The following PALLD variants were observed in gnomAD, a reference collection of about 807,000 sequenced individuals.
PALLD encodes the protein palladin.
PALLD carries 61 observed loss-of-function variants against 123.5 expected under a neutral mutation model. The ratio of observed to expected loss-of-function variants is 0.49; its 90% CI spans 0.40 to 0.61. The LOEUF (loss-of-function observed/expected upper bound fraction) is 0.61, where lower values mean the gene tolerates loss of function less well. PALLD is among the 20% of genes least tolerant of loss of function. PALLD has a pLI of 0.00. For synonymous variants in PALLD, 465 were observed against 496.4 expected, an observed-to-expected ratio of 0.94 and a Z score of 0.84; for missense variants, 1,273 against 1,377.0, an observed-to-expected ratio of 0.92 and a Z score of 1.20.
chr4:168,858,426 T>C (rs762506135), intron 10 of PALLD, among the ~76,000 whole-genome samples: 8 of 152,224 alleles, frequency 5.3e-5, no homozygotes, highest in Non-Finnish European at 1.2e-4. Flanking sequence ...TAATTTGGCA[T>C]GTTTCTCTGA....
At chr4:168,788,075 C>G (rs1736996493) in intron 10 of PALLD, among the ~76,000 whole-genome samples, 1 of 152,202 alleles carries the variant, frequency 6.6e-6, no homozygotes, top group Non-Finnish European at 1.5e-5. Flanking sequence ...TGCTGTGTAG[C>G]ATGCGATTCC....
intron 1 of PALLD, among the ~76,000 whole-genome samples, chr4:168,510,965 G>A (rs1762475764): frequency 6.6e-6 from 1 of 152,092 alleles, no homozygotes; most frequent in Admixed American, 6.5e-5. Context: ...GCACATAACT[G>A]GAGACAATAA....
At chr4:168,633,751 C>T (rs1776063288) in intron 2 of PALLD, among the ~76,000 whole-genome samples, 1 of 152,044 alleles carries the variant, frequency 6.6e-6, no homozygotes, top group Non-Finnish European at 1.5e-5. Context: ...TTTAAAACTC[C>T]CACTTAAGCA....
At chr4:168,518,358 T>G (rs1360036760) in intron 2 of PALLD, among the ~76,000 whole-genome samples, 1 of 152,188 alleles carries the variant, frequency 6.6e-6, no homozygotes, top group African/African-American at 2.4e-5. Context: ...AGTAATTCTT[T>G]TTCATGAAAT....
intron 2 of PALLD, among the ~76,000 whole-genome samples, chr4:168,541,689 G>A (rs1020682019): frequency 3.9e-5 from 6 of 152,100 alleles, no homozygotes; most frequent in Non-Finnish European, 8.8e-5. Flanking sequence ...CTGACCTCCA[G>A]TGATCCGCCC....
At chr4:168,634,398 C>T (rs541871598) in intron 2 of PALLD, among the ~76,000 whole-genome samples, 1 of 152,296 alleles carries the variant, frequency 6.6e-6, no homozygotes, top group East Asian at 1.9e-4. Flanking sequence ...GTGCCTCTGC[C>T]AGCTGCCTGT....
At chr4:168,499,382 T>A (rs1401068643) in intron 1 of PALLD, among the ~76,000 whole-genome samples, 1 of 140,018 alleles carries the variant, frequency 7.1e-6, no homozygotes, top group Non-Finnish European at 1.6e-5. Context: ...GGAGGGACTT[T>A]ATTGATTTAG....
At chr4:168,868,349 AAAG>A (rs1441827339) in intron 10 of PALLD, among the ~76,000 whole-genome samples, 1 of 152,182 alleles carries the variant, frequency 6.6e-6, no homozygotes, top group Non-Finnish European at 1.5e-5. Flanking sequence ...TTACCAGATG[AAAG>A]AAGAATGGTA....
intron 10 of PALLD, among the ~76,000 whole-genome samples, chr4:168,733,953 T>C (rs886520194): frequency 6.6e-6 from 1 of 152,208 alleles, no homozygotes; most frequent in Non-Finnish European, 1.5e-5. Context: ...GCCAGGATGG[T>C]CTCGATCTCC....
Position 168,844,883 on chromosome 4 carries a change from C to T in PALLD, c.1965-46039C>T, listed in dbSNP as rs1349825804. ...TGACCAGGCCATCATGGGTTAGGCTCGGAAGGGAGGGGCCCAGATGCAGAA... is the reference window on the plus strand; with the variant it reads ...TGACCAGGCCATCATGGGTTAGGCTTGGAAGGGAGGGGCCCAGATGCAGAA... On this transcript the variant is annotated intron_variant, in intron 10 of 21. Coordinates refer to ENST00000505667, the MANE Select transcript of PALLD (RefSeq NM_001166108.2). This position sits in a 1 kb window ranked among gnomAD's most constrained non-coding sequence, Gnocchi z 4.5. The T allele has an allele frequency of 6.6e-6, 1 of 152,250 alleles. No individual in the cohort carries two copies. Among genetic ancestry groups the T allele is most frequent in the Non-Finnish European group, 1.5e-5 (1 of 68,148 alleles). 9.4% of individuals were successfully genotyped at this position (152,250 alleles called of 1,614,324 possible).
At chr4:168,576,279 C>T (rs1319307913) in intron 2 of PALLD, among the ~76,000 whole-genome samples, 1 of 151,616 alleles carries the variant, frequency 6.6e-6, no homozygotes, top group African/African-American at 2.4e-5. Flanking sequence ...GGAACATGTG[C>T]ACAACGTGCA....
At chr4:168,595,545 T>C (rs75785511) in intron 2 of PALLD, among the ~76,000 whole-genome samples, 1,569 of 152,280 alleles carry the variant, frequency 0.01, 28 homozygotes, top group African/African-American at 0.036. Context: ...GTATTGGCCT[T>C]TTAGTGCCAA....
At chr4:168,773,467 C>G (rs1249810618) in intron 10 of PALLD, among the ~76,000 whole-genome samples, 2 of 152,160 alleles carry the variant, frequency 1.3e-5, no homozygotes, top group Non-Finnish European at 2.9e-5. Flanking sequence ...TAAAAATAAC[C>G]CACTGAGTGT....
At chr4:168,830,933 C>T (rs1055062096) in intron 10 of PALLD, among the ~76,000 whole-genome samples, 6 of 152,298 alleles carry the variant, frequency 3.9e-5, no homozygotes, top group Middle Eastern at 3.4e-3. Context: ...ACCACGTTAC[C>T]GAAACAGCCT....
intron 2 of PALLD, among the ~76,000 whole-genome samples, chr4:168,639,437 T>C (rs1263195041): frequency 1.3e-5 from 2 of 152,230 alleles, no homozygotes; most frequent in Non-Finnish European, 2.9e-5. Flanking sequence ...GTTTCGCCCT[T>C]GCCACAACAG....
chr4:168,913,813 A>C lies in PALLD; in HGVS notation c.2623-114A>C, dbSNP rs116560543. On this transcript the variant is annotated intron_variant, in intron 15 of 21. Transcript: ENST00000505667. ...AAGGGTTAGTCATTACTCAAATGGC[A>C]TACTGAATTTTTTATGAAATAATGT... The C allele has an allele frequency of 1.3e-3, 1,010 of 783,398 alleles. 9 individuals carry two copies. In the African/African-American group the frequency reaches 0.015, roughly 12 times the overall value. The allele number at this position is 783,398 out of a possible 1,614,324, so 48.5% of individuals were successfully genotyped here.
intron 10 of PALLD, among the ~76,000 whole-genome samples, chr4:168,815,962 G>A (rs564530898): frequency 6.6e-6 from 1 of 152,304 alleles, no homozygotes; most frequent in East Asian, 1.9e-4. Context: ...CTAATTGCAA[G>A]AGGATTAAAA....
At chr4:168,883,129 T>G (rs1458403016) in intron 10 of PALLD, among the ~76,000 whole-genome samples, 3 of 152,090 alleles carry the variant, frequency 2.0e-5, no homozygotes, top group Non-Finnish European at 2.9e-5. Context: ...TTTGTCATTT[T>G]CTTTTTTAAA....
rs530589049 is a variant in PALLD at position 168,875,586 on chromosome 4, G to A, written c.1965-15336G>A. ...CACTTAAAAATGGTGAAGTCAAAAC[G>A]CTAGTAAAGTTCTTCACTACAGTAT... On this transcript the variant is annotated intron_variant, in intron 10 of 21. Transcript: ENST00000505667. 1.1e-4 allele frequency among the ~76,000 whole-genome samples: 17 copies of A among 152,034 alleles called. No individual in the cohort carries two copies. In the South Asian group the frequency reaches 2.5e-3, roughly 22 times the overall value.
Sources: allele counts gnomAD v4.1 joint callset (sites outside exome capture counted in the v4.1 genomes callset), GRCh38; gene constraint gnomAD v4.1.1; non-coding constraint Gnocchi (gnomAD v3.1); transcripts MANE v1.5; gene names NCBI Gene and HGNC (gene_info 2026-07-23, HGNC 2026-07-21).